The following CTNNA3 variants were observed in gnomAD, a reference collection of about 807,000 sequenced individuals.
CTNNA3 encodes the protein catenin alpha 3.
A neutral mutation model predicts 95.7 loss-of-function variants in CTNNA3; 76 were observed. The ratio of observed to expected loss-of-function variants is 0.79; its 90% CI spans 0.66 to 0.96. The LOEUF (loss-of-function observed/expected upper bound fraction) is 0.96. Ranked by LOEUF, CTNNA3 falls within the 40% of genes least tolerant of loss-of-function variation. The pLI is 0.00. For missense variants in CTNNA3, 1,191 were observed against 1,089.8 expected (o/e 1.09, Z -1.31); for synonymous variants, 431 against 374.4 (o/e 1.15, Z -1.74).
At chr10:67,511,977 T>G (rs939926076) in intron 5 of CTNNA3, among the ~76,000 whole-genome samples, 1 of 152,232 alleles carries the variant, frequency 6.6e-6, no homozygotes, top group Non-Finnish European at 1.5e-5. Flanking sequence ...TCTAGTTTAT[T>G]TGCGTAGAGG....
intron 7 of CTNNA3, among the ~76,000 whole-genome samples, chr10:66,995,715 T>C (rs1423339427): frequency 1.3e-5 from 2 of 152,162 alleles, no homozygotes; most frequent in Non-Finnish European, 2.9e-5. Flanking sequence ...TAGCTTTGCT[T>C]ACACTGCTCC....
At chr10:66,139,881 G>T (rs1252661290) in intron 13 of CTNNA3, among the ~76,000 whole-genome samples, 1 of 152,162 alleles carries the variant, frequency 6.6e-6, no homozygotes, top group Non-Finnish European at 1.5e-5. Context: ...AAGAGACTTT[G>T]CCTTCGTCCG....
chr10:65,963,935 C>G (rs2077905805), intron 17 of CTNNA3, among the ~76,000 whole-genome samples: 1 of 152,318 alleles, frequency 6.6e-6, no homozygotes, highest in Admixed American at 6.5e-5. Context: ...ACAGAACATA[C>G]TGCCCATTCA....
At chr10:66,349,900 C>T (rs754701753) in intron 12 of CTNNA3, among the ~76,000 whole-genome samples, 1 of 151,976 alleles carries the variant, frequency 6.6e-6, no homozygotes, top group Non-Finnish European at 1.5e-5. Flanking sequence ...TCTCAGTCAC[C>T]CCATCACCAA....
intron 7 of CTNNA3, among the ~76,000 whole-genome samples, chr10:67,140,935 T>C (rs1860529108): frequency 6.6e-6 from 1 of 152,228 alleles, no homozygotes; most frequent in Non-Finnish European, 1.5e-5. Context: ...GTGTTGATCA[T>C]ATGCCAAGAA....
chr10:66,525,884 A>G (rs530402979), intron 10 of CTNNA3, among the ~76,000 whole-genome samples: 79 of 152,180 alleles, frequency 5.2e-4, no homozygotes, highest in Non-Finnish European at 8.1e-4. Flanking sequence ...GATACTTCGT[A>G]TAAGTGGAAT....
intron 9 of CTNNA3, among the ~76,000 whole-genome samples, chr10:66,727,316 A>G (rs1232674569): frequency 6.6e-6 from 1 of 152,124 alleles, no homozygotes; most frequent in African/African-American, 2.4e-5. Context: ...AGTTATATCT[A>G]CAAGAGTAGG....
intron 15 of CTNNA3, among the ~76,000 whole-genome samples, chr10:66,033,934 A>T (rs1191116942): frequency 2.6e-5 from 4 of 152,136 alleles, no homozygotes; most frequent in Non-Finnish European, 5.9e-5. Flanking sequence ...TTCAAATTCC[A>T]TCTCTGGCAT....
intron 17 of CTNNA3, among the ~76,000 whole-genome samples, chr10:65,927,047 T>A (rs2077178923): frequency 6.6e-6 from 1 of 151,946 alleles, no homozygotes; most frequent in African/African-American, 2.4e-5. Flanking sequence ...TACTTTTTCA[T>A]TTTTTTTAAT....
intron 11 of CTNNA3, among the ~76,000 whole-genome samples, chr10:66,511,781 T>C (rs557485575): frequency 1.3e-5 from 2 of 151,986 alleles, no homozygotes; most frequent in Non-Finnish European, 2.9e-5. Flanking sequence ...GGGCCTAACA[T>C]AGGGTCTACC....
intron 5 of CTNNA3, among the ~76,000 whole-genome samples, chr10:67,453,848 T>TA (rs1402411560): frequency 1.3e-5 from 2 of 152,172 alleles, no homozygotes; most frequent in African/African-American, 4.8e-5. Flanking sequence ...TCCAATCCCC[T>TA]AAATGCAAAA....
At chr10:66,600,024 T>G (rs913760200) in intron 10 of CTNNA3, among the ~76,000 whole-genome samples, 3 of 151,880 alleles carry the variant, frequency 2.0e-5, no homozygotes, top group African/African-American at 7.2e-5. Context: ...TCATTGTTGA[T>G]ATGGAAATAA....
At chr10:66,826,513 TATTTATTTACAC>T (rs993524826) in intron 7 of CTNNA3, among the ~76,000 whole-genome samples, 2 of 152,200 alleles carry the variant, frequency 1.3e-5, no homozygotes, top group African/African-American at 4.8e-5. Flanking sequence ...TCTAATTTAT[TATTTATTTACAC>T]ATTTATTTAT....
At chr10:66,142,548 T>G (rs2083673374) in intron 13 of CTNNA3, among the ~76,000 whole-genome samples, 1 of 152,068 alleles carries the variant, frequency 6.6e-6, no homozygotes, top group Non-Finnish European at 1.5e-5. Context: ...CTTTCTGAGA[T>G]TTTGATTGGG....
At chr10:66,608,588 A>G (rs1292431054) in intron 10 of CTNNA3, among the ~76,000 whole-genome samples, 1 of 151,748 alleles carries the variant, frequency 6.6e-6, no homozygotes, top group Non-Finnish European at 1.5e-5. Context: ...CCAAAATAAA[A>G]ACAGAGACCA....
chr10:67,314,739 AT>A (rs1237409036), intron 5 of CTNNA3, among the ~76,000 whole-genome samples: 2 of 152,228 alleles, frequency 1.3e-5, no homozygotes, highest in Non-Finnish European at 2.9e-5. Context: ...ATTATGGCAT[AT>A]GGATAAAATT....
chr10:66,196,566 T>C (rs1341732460), intron 13 of CTNNA3, among the ~76,000 whole-genome samples: 1 of 152,182 alleles, frequency 6.6e-6, no homozygotes, highest in Non-Finnish European at 1.5e-5. Flanking sequence ...CTGATTCACA[T>C]TAGGATTAAC....
At chr10:66,965,230 G>A (rs990963981) in intron 7 of CTNNA3, among the ~76,000 whole-genome samples, 2 of 150,838 alleles carry the variant, frequency 1.3e-5, no homozygotes, top group African/African-American at 2.4e-5. Flanking sequence ...GGTTTTTTTG[G>A]GGTTTTTTTG....
chr10:67,302,077 AAGAAAGAAAGAAAGAAAG>A (rs1840342694), intron 5 of CTNNA3, among the ~76,000 whole-genome samples: 1 of 121,330 alleles, frequency 8.2e-6, no homozygotes, highest in Non-Finnish European at 1.8e-5. Context: ...GAAAGAAAGA[AAGAAAGAAAGAAAGAAAG>A]AAAATCCTTT....
Sources: allele counts gnomAD v4.1 joint callset (sites outside exome capture counted in the v4.1 genomes callset), GRCh38; gene constraint gnomAD v4.1.1; transcripts MANE v1.5; gene names NCBI Gene and HGNC (gene_info 2026-07-23, HGNC 2026-07-21).